Variants in SLC45A4 observed in about 807,000 individuals in gnomAD.
The protein encoded by SLC45A4 is solute carrier family 45 member 4, also known as polyamine-transporter SLC45A4.
Under a neutral mutation model 63.7 loss-of-function variants are expected in SLC45A4, and 32 were observed. The ratio of observed to expected loss-of-function variants is 0.50; its 90% CI spans 0.38 to 0.67. The LOEUF is 0.67. SLC45A4 is among the 30% of genes least tolerant of loss of function. The pLI is 0.00. For missense variants in SLC45A4, 1,027 were observed against 1,157.7 expected (o/e 0.89, Z 1.64); for synonymous variants, 535 against 510.0 (o/e 1.05, Z -0.66).
At chr8:141,239,313 AC>A (rs1418731019) in intron 2 of SLC45A4, among the ~76,000 whole-genome samples, 1 of 152,176 alleles carries the variant, frequency 6.6e-6, no homozygotes, top group Non-Finnish European at 1.5e-5. Flanking sequence ...TTCAGACAAA[AC>A]AAAATAGGTT....
Position 141,215,670 on chromosome 8 carries a change from C to T in SLC45A4, c.1941+89G>A. 5 of 1,363,984 alleles carry T rather than the reference C, an allele frequency of 3.7e-6. No individual in the cohort carries two copies. Among genetic ancestry groups the T allele is most frequent in the Admixed American group, 1.7e-5 (1 of 57,188 alleles). 84.5% of individuals were successfully genotyped at this position (1,363,984 alleles called of 1,614,324 possible). A position where few individuals can be genotyped will look rare whatever the true frequency, so the allele number is the denominator to read the frequency against. ...GGAGGGCCATCTGTGTCGTGAACGT[C>T]CCCCCGGGGAAGCACAGGGCTCTGC... On this transcript the variant is annotated intron_variant, in intron 7 of 8. Coordinates refer to ENST00000517878, the MANE Select transcript of SLC45A4 (RefSeq NM_001286646.2). The surrounding 1 kb of genome is among the most constrained non-coding windows in gnomAD (Gnocchi z 4.3).
At chr8:141,220,298 G>GC (rs749643152) in intron 3 of SLC45A4, among the ~76,000 whole-genome samples, 16 of 152,180 alleles carry the variant, frequency 1.1e-4, no homozygotes, top group Non-Finnish European at 2.1e-4. Flanking sequence ...GTCTCGCTGG[G>GC]CCTGCTCTAG....
chr8:141,305,521 C>T (rs570027320), intron 1 of SLC45A4, among the ~76,000 whole-genome samples: 3 of 152,330 alleles, frequency 2.0e-5, no homozygotes, highest in South Asian at 4.1e-4. Flanking sequence ...AGCAGGAACG[C>T]GGCTTCCAGC....
intron 2 of SLC45A4, among the ~76,000 whole-genome samples, chr8:141,234,085 G>A (rs140268634): frequency 1.3e-5 from 2 of 152,346 alleles, no homozygotes; most frequent in African/African-American, 2.4e-5. Context: ...AACCATTAGC[G>A]AATCGTCGCC....
At chr8:141,248,775 G>C (rs1421040912) in intron 2 of SLC45A4, among the ~76,000 whole-genome samples, 2 of 152,106 alleles carry the variant, frequency 1.3e-5, no homozygotes, top group African/African-American at 4.8e-5. Context: ...AGCACTTGGC[G>C]AGGCTGAGGT....
rs138511742 is a variant in SLC45A4 at position 141,245,656 on chromosome 8, C to T, written c.241+8333G>A. Among the ~76,000 whole-genome samples, 10 of 152,276 alleles carry T rather than the reference C, an allele frequency of 6.6e-5. No individual in the cohort carries two copies. The East Asian group carries it at 1.7e-3, about 26-fold the overall frequency. ...AACCTGCCGCTCAGAGGAGGCTGGA[C>T]TCTTAGAGCTAGATGGGACTCACAG... On this transcript the variant is annotated intron_variant, in intron 2 of 8. Transcript: ENST00000517878.
At chr8:141,303,488 ATGACCACCACACC>A (rs1830812123) in intron 1 of SLC45A4, among the ~76,000 whole-genome samples, 1 of 151,994 alleles carries the variant, frequency 6.6e-6, no homozygotes, top group Non-Finnish European at 1.5e-5. Context: ...TAAAAGTATA[ATGACCACCACACC>A]TGACCAGGTA....
rs534474097 is a variant in SLC45A4, at chr8:141,291,932, C to T, written c.-401+16164G>A. On this transcript the variant is annotated intron_variant, in intron 1 of 8. Transcript: ENST00000517878. ...GCCGTCCTCCAGATAAAACGTTCATCTCATCTGCATGTTAGGTTCAAAGAA... is the reference window on the plus strand; with the variant it reads ...GCCGTCCTCCAGATAAAACGTTCATTTCATCTGCATGTTAGGTTCAAAGAA... Among the ~76,000 whole-genome samples, 12 of 152,380 alleles carry T rather than the reference C, an allele frequency of 7.9e-5. No individual in the cohort carries two copies. The East Asian group carries it at 2.1e-3, about 27-fold the overall frequency.
intron 2 of SLC45A4, among the ~76,000 whole-genome samples, chr8:141,233,979 G>A (rs1430209132): frequency 6.6e-6 from 1 of 152,206 alleles, no homozygotes; most frequent in Non-Finnish European, 1.5e-5. Flanking sequence ...TACTAGCTCT[G>A]TTGAGTGTCC....
At chr8:141,276,457 C>T (rs1331501108) in intron 1 of SLC45A4, among the ~76,000 whole-genome samples, 4 of 152,116 alleles carry the variant, frequency 2.6e-5, no homozygotes, top group Admixed American at 6.5e-5. Context: ...CTATTTGGTA[C>T]GGAAACACTA....
intron 2 of SLC45A4, among the ~76,000 whole-genome samples, chr8:141,247,815 T>C (rs1469479182): frequency 6.6e-6 from 1 of 152,174 alleles, no homozygotes; most frequent in Non-Finnish European, 1.5e-5. Flanking sequence ...TATAGATCAA[T>C]GGAACAGAAT....
At chr8:141,265,197 G>A (rs1374220115) in intron 1 of SLC45A4, among the ~76,000 whole-genome samples, 3 of 152,190 alleles carry the variant, frequency 2.0e-5, no homozygotes, top group African/African-American at 7.2e-5. Context: ...GACACCTCGA[G>A]GCCCTCTGGT....
rs1181395070 is a variant in SLC45A4, at chr8:141,228,592, C to T, written c.242-6827G>A. The T allele has an allele frequency of 1.2e-5, 14 of 1,152,762 alleles. No homozygotes were observed. In the East Asian group the frequency reaches 1.9e-4, roughly 16 times the overall value. 71.4% of individuals were successfully genotyped at this position (1,152,762 alleles called of 1,614,324 possible). A position where few individuals can be genotyped will look rare whatever the true frequency, so the allele number is the denominator to read the frequency against. ...CCCTATCAGCACAGCCACCCATTCT[C>T]GGCTCTTTAAAACAGATGTTGCAAC... is the stretch of plus-strand genomic sequence containing the variant. On this transcript the variant is annotated intron_variant, in intron 2 of 8. Transcript: ENST00000517878.
At position 141,211,313 on chromosome 8, in the gene SLC45A4, G is replaced by T; in HGVS notation, c.*259C>A. ...TAGGAGAGTCCTTCAGACGGGACGA[G>T]CGGGGTCACATGGCTGGGCGCAGAC... On this transcript the variant is annotated 3_prime_UTR_variant, in exon 9 of 9. Coordinates refer to ENST00000517878, the MANE Select transcript of SLC45A4 (RefSeq NM_001286646.2). The T allele has an allele frequency of 8.9e-7, 1 of 1,122,416 alleles. No homozygotes were observed. Among genetic ancestry groups the T allele is most frequent in the Non-Finnish European group, 1.2e-6 (1 of 821,992 alleles). The allele number at this position is 1,122,416 out of a possible 1,614,324, so 69.5% of individuals were successfully genotyped here. A position where few individuals can be genotyped will look rare whatever the true frequency, so the allele number is the denominator to read the frequency against.
intron 2 of SLC45A4, chr8:141,225,158 C>T (rs1414269352): frequency 6.6e-6 from 1 of 152,188 alleles, no homozygotes; most frequent in Non-Finnish European, 1.5e-5. Flanking sequence ...CTGCCGTCCT[C>T]CAGCAACGGT....
chr8:141,251,106 C>T (rs185611996), intron 2 of SLC45A4, among the ~76,000 whole-genome samples: 148 of 152,290 alleles, frequency 9.7e-4, no homozygotes, highest in Middle Eastern at 3.4e-3. Context: ...GACCACAACT[C>T]GTTGTCCAGA....
chr8:141,293,391 T>C (rs1041283829), intron 1 of SLC45A4, among the ~76,000 whole-genome samples: 23 of 151,978 alleles, frequency 1.5e-4, no homozygotes, highest in African/African-American at 5.1e-4. Context: ...TAGGCAGAGA[T>C]TGCAGTGAAC....
In SLC45A4 at chr8:141,211,471, C is replaced by G; in HGVS notation, c.*101G>C. The G allele has an allele frequency of 3.7e-6, 6 of 1,600,668 alleles. No homozygotes were observed. Among genetic ancestry groups the G allele is most frequent in the Non-Finnish European group, 5.1e-6 (6 of 1,173,132 alleles). On this transcript the variant is annotated 3_prime_UTR_variant, in exon 9 of 9. Transcript: ENST00000517878. ...TGTCTTCTGCCCAGGCCCCCCGGAC[C>G]AGCCTCCTCCCAGCTTTGGTGTGCG...
chr8:141,275,037 G>A (rs563996999), intron 1 of SLC45A4, among the ~76,000 whole-genome samples: 49 of 152,340 alleles, frequency 3.2e-4, no homozygotes, highest in Admixed American at 1.9e-3. Flanking sequence ...ACAACTCTAC[G>A]GGGCGTGGCG....
Sources: gnomAD v4.1 joint callset for allele counts (sites outside exome capture counted in the v4.1 genomes callset) on GRCh38, gnomAD v4.1.1 for gene constraint, Gnocchi (gnomAD v3.1) non-coding constraint, MANE v1.5 for transcripts, NCBI Gene and HGNC (gene_info 2026-07-23, HGNC 2026-07-21) for gene names.